PCCA: variants seen among roughly 807,000 people sequenced by gnomAD.
PCCA encodes the protein propionyl-CoA carboxylase alpha chain, mitochondrial.
A neutral mutation model predicts 101.3 loss-of-function variants in PCCA; 74 were observed. The observed-to-expected ratio is 0.73, with a 90% CI of 0.61 to 0.89. The LOEUF (loss-of-function observed/expected upper bound fraction) is 0.89, where lower values mean the gene tolerates loss of function less well. Ranked by LOEUF, PCCA falls within the 40% of genes least tolerant of loss-of-function variation. The probability of loss-of-function intolerance (pLI) is 0.00; values close to 1 mark genes in which losing one functional copy is unlikely to be tolerated. For synonymous variants in PCCA, 294 were observed against 313.6 expected (o/e 0.94, Z 0.66); for missense variants, 891 against 907.0 (o/e 0.98, Z 0.23).
At chr13:100,405,827 G>A (rs2077641529) in intron 19 of PCCA, among the ~76,000 whole-genome samples, 2 of 143,080 alleles carry the variant, frequency 1.4e-5, no homozygotes. Flanking sequence ...CAGGAGTGCA[G>A]TAAATCTCGG....
chr13:100,451,109 T>G (rs1043424248), intron 21 of PCCA, among the ~76,000 whole-genome samples: 3 of 152,112 alleles, frequency 2.0e-5, no homozygotes, highest in Admixed American at 6.5e-5. Flanking sequence ...CCTCCTTGCT[T>G]GGGGAGGTCT....
chr13:100,283,163 T>C (rs1566860417), intron 12 of PCCA, among the ~76,000 whole-genome samples: 1 of 152,120 alleles, frequency 6.6e-6, no homozygotes, highest in Non-Finnish European at 1.5e-5. Flanking sequence ...CATGCTACTG[T>C]GAGATCAAAC....
intron 2 of PCCA, among the ~76,000 whole-genome samples, chr13:100,109,434 G>C (rs1436895946): frequency 6.6e-6 from 1 of 152,192 alleles, no homozygotes; most frequent in South Asian, 2.1e-4. Flanking sequence ...TTGTTATCAT[G>C]ATTTGTTGTA....
intron 18 of PCCA, among the ~76,000 whole-genome samples, chr13:100,353,518 C>T (rs1247026721): frequency 2.0e-5 from 3 of 152,054 alleles, no homozygotes; most frequent in Non-Finnish European, 2.9e-5. Context: ...AATGTACTAC[C>T]AAATAACCAA....
chr13:100,161,725 A>C (rs1030030004), intron 6 of PCCA: 2 of 152,118 alleles, frequency 1.3e-5, no homozygotes, highest in Admixed American at 1.3e-4. Context: ...GGTTGTTTAT[A>C]ACTCTTATTT....
chr13:100,483,219 GTCTT>G (rs1365726776), intron 21 of PCCA, among the ~76,000 whole-genome samples: 3 of 151,486 alleles, frequency 2.0e-5, no homozygotes, highest in African/African-American at 4.9e-5. Context: ...TACCATCTAA[GTCTT>G]TCTATTAGGA....
chr13:100,311,060 C>T (rs1313671229), intron 16 of PCCA, among the ~76,000 whole-genome samples: 12 of 151,672 alleles, frequency 7.9e-5, no homozygotes, highest in Non-Finnish European at 1.0e-4. Context: ...ATGGTGAAAC[C>T]CAGTCTCTAC....
chr13:100,162,799 A>T (rs904936170), intron 6 of PCCA, among the ~76,000 whole-genome samples: 1 of 152,152 alleles, frequency 6.6e-6, no homozygotes, highest in Non-Finnish European at 1.5e-5. Context: ...GGAACTAATA[A>T]AGTCTCCCTG....
chr13:100,163,202 G>A (rs2054670409), intron 6 of PCCA, among the ~76,000 whole-genome samples: 1 of 152,110 alleles, frequency 6.6e-6, no homozygotes, highest in Non-Finnish European at 1.5e-5. Flanking sequence ...ATTTGATGAG[G>A]CTGGGATTTT....
intron 21 of PCCA, among the ~76,000 whole-genome samples, chr13:100,509,009 T>C (rs1223597582): frequency 3.3e-5 from 5 of 152,094 alleles, no homozygotes; most frequent in African/African-American, 9.7e-5. Flanking sequence ...CAGTGAAAGG[T>C]GACAGCTGTG....
chr13:100,440,537 T>C (rs750488572), intron 20 of PCCA, among the ~76,000 whole-genome samples: 12 of 151,978 alleles, frequency 7.9e-5, no homozygotes, highest in Non-Finnish European at 1.8e-4. Flanking sequence ...TGTTTATAGA[T>C]AGTAAAATTA....
intron 10 of PCCA, among the ~76,000 whole-genome samples, chr13:100,264,559 G>T (rs1056964824): frequency 2.0e-5 from 3 of 152,126 alleles, no homozygotes; most frequent in Non-Finnish European, 4.4e-5. Context: ...CTGAGGCTCT[G>T]TTGTCCTTTG....
chr13:100,205,954 A>C (rs2058826097), intron 6 of PCCA, among the ~76,000 whole-genome samples: 1 of 152,114 alleles, frequency 6.6e-6, no homozygotes, highest in Non-Finnish European at 1.5e-5. Context: ...TCATGTATCC[A>C]CCTGGAGACG....
rs538540442 is a variant in PCCA at position 100,353,618 on chromosome 13, G to A, written c.1643+13359G>A. Among the ~76,000 whole-genome samples, 9 of 152,214 alleles carry A rather than the reference G, an allele frequency of 5.9e-5. No individual in the cohort carries two copies. In the South Asian group the frequency reaches 1.9e-3, roughly 32 times the overall value. ...CTAAAAACGTGTGGGCTGCACATAA[G>A]CAGTGCTTAGAGGGAAATGAGAGCT... On this transcript the variant is annotated intron_variant, in intron 18 of 23. Coordinates refer to ENST00000376285, the MANE Select transcript of PCCA (RefSeq NM_000282.4).
At chr13:100,529,897 GAGCCAC>G (rs1207369221) in intron 23 of PCCA, among the ~76,000 whole-genome samples, 195 bp from the exon 24 acceptor site, 1 of 152,166 alleles carries the variant, frequency 6.6e-6, no homozygotes, top group Non-Finnish European at 1.5e-5. Flanking sequence ...GGGGAGGAGT[GAGCCAC>G]GGCCACGGCC....
intron 4 of PCCA, among the ~76,000 whole-genome samples, chr13:100,130,377 A>G (rs2050382416): frequency 6.6e-6 from 1 of 152,202 alleles, no homozygotes; most frequent in Non-Finnish European, 1.5e-5. Context: ...GCAGTGGTGG[A>G]TTTATATCTG....
intron 8 of PCCA, among the ~76,000 whole-genome samples, chr13:100,253,393 G>C (rs1159977161): frequency 6.6e-6 from 1 of 152,142 alleles, no homozygotes; most frequent in African/African-American, 2.4e-5. Flanking sequence ...GCCAGATAAG[G>C]CTTATAGTGT....
At chr13:100,259,382 T>C (rs1156754108) in intron 9 of PCCA, among the ~76,000 whole-genome samples, 1 of 136,524 alleles carries the variant, frequency 7.3e-6, no homozygotes, top group African/African-American at 2.7e-5. Context: ...TCGCCCAGGC[T>C]GGAGTGAAGT....
chr13:100,479,545 T>A (rs756500396), intron 21 of PCCA: 1 of 152,218 alleles, frequency 6.6e-6, no homozygotes, highest in Non-Finnish European at 1.5e-5. Context: ...CTAGAGAAAG[T>A]GTTAGGAAAA....
Sources: gnomAD v4.1 joint callset for allele counts (sites outside exome capture counted in the v4.1 genomes callset) on GRCh38, gnomAD v4.1.1 for gene constraint, MANE v1.5 for transcripts, NCBI Gene and HGNC (gene_info 2026-07-23, HGNC 2026-07-21) for gene names.